Variants in TESK2 observed in about 807,000 individuals in gnomAD.
The protein encoded by TESK2 is dual specificity testis-specific protein kinase 2.
Under a neutral mutation model 57.1 loss-of-function variants are expected in TESK2, and 39 were observed. That is an observed-to-expected ratio of 0.68 (90% confidence interval 0.53 to 0.89). TESK2 has a LOEUF of 0.89. Among genes scored for constraint, TESK2 ranks in the 40% least tolerant of loss-of-function variants. The pLI is 0.00. For missense variants in TESK2, 646 were observed against 732.1 expected (o/e 0.88, Z 1.36); for synonymous variants, 249 against 267.9 (o/e 0.93, Z 0.69).
At position 45,375,565 on chromosome 1, in the gene TESK2, T is replaced by C. The variant is rs192814106; in HGVS notation, c.393+10347A>G. On this transcript the variant is annotated intron_variant, in intron 4 of 10. Transcript: ENST00000372086. Reference sequence around the variant, plus strand: ...TCACATATATTACAATTTGTTCCCTTGTTTAGTTTAACTCCTCTGCCCGCC... The same window carrying C: ...TCACATATATTACAATTTGTTCCCTCGTTTAGTTTAACTCCTCTGCCCGCC... Among the ~76,000 whole-genome samples, 349 of 152,132 alleles carry C rather than the reference T, an allele frequency of 2.3e-3. 5 individuals are homozygous for C. Among genetic ancestry groups the C allele is most frequent in the Admixed American group, 0.019 (297 of 15,266 alleles).
intron 1 of TESK2, among the ~76,000 whole-genome samples, chr1:45,490,043 C>G (rs990286208): frequency 3.9e-5 from 6 of 152,154 alleles, no homozygotes; most frequent in Non-Finnish European, 5.9e-5. Flanking sequence ...CATTCCCTCC[C>G]GCCTGGATGA....
intron 2 of TESK2, among the ~76,000 whole-genome samples, chr1:45,444,728 T>C (rs1052466605): frequency 6.6e-6 from 1 of 152,262 alleles, no homozygotes; most frequent in African/African-American, 2.4e-5. Flanking sequence ...GTAAGAGAAA[T>C]CTAACATCGC....
chr1:45,353,851 C>T (rs1215055932), intron 5 of TESK2, among the ~76,000 whole-genome samples: 8 of 152,190 alleles, frequency 5.3e-5, no homozygotes, highest in African/African-American at 1.7e-4. Context: ...CCTCTGAAAG[C>T]GACTCTTTTC....
At chr1:45,402,054 A>C (rs889208893) in intron 3 of TESK2, among the ~76,000 whole-genome samples, 1 of 151,594 alleles carries the variant, frequency 6.6e-6, no homozygotes, top group African/African-American at 2.4e-5. Context: ...CCTACATCTA[A>C]AACACTGAAA....
intron 1 of TESK2, among the ~76,000 whole-genome samples, chr1:45,487,161 TCA>T (rs1490469750): frequency 6.6e-6 from 1 of 152,064 alleles, no homozygotes; most frequent in Non-Finnish European, 1.5e-5. Flanking sequence ...TCAAAGCCCA[TCA>T]TATGTCAAGC....
intron 3 of TESK2, among the ~76,000 whole-genome samples, chr1:45,394,229 G>A (rs1431514128): frequency 6.6e-6 from 1 of 151,294 alleles, no homozygotes; most frequent in African/African-American, 2.4e-5. Flanking sequence ...TCATAAGCTC[G>A]CTGCAGCCTC....
At chr1:45,401,025 TAA>T (rs376070354) in intron 3 of TESK2, among the ~76,000 whole-genome samples, 15 of 124,156 alleles carry the variant, frequency 1.2e-4, no homozygotes, top group Admixed American at 1.7e-4. Context: ...GACTCTGTCT[TAA>T]AAAAAAAAAA....
At chr1:45,349,410 ACTGT>A (rs766986969) in intron 5 of TESK2, among the ~76,000 whole-genome samples, 11 of 152,054 alleles carry the variant, frequency 7.2e-5, no homozygotes, top group Non-Finnish European at 1.3e-4. Flanking sequence ...CCTGACTTTG[ACTGT>A]CTGTGAGAAG....
chr1:45,473,742 A>G (rs936255201), intron 1 of TESK2, among the ~76,000 whole-genome samples: 1 of 152,144 alleles, frequency 6.6e-6, no homozygotes, highest in Non-Finnish European at 1.5e-5. Context: ...AAATGCAATG[A>G]TGATACTTGG....
At chr1:45,451,262 G>C (rs999589204) in intron 2 of TESK2, among the ~76,000 whole-genome samples, 2 of 152,202 alleles carry the variant, frequency 1.3e-5, no homozygotes, top group Non-Finnish European at 2.9e-5. Context: ...TTATTTTGAA[G>C]TGGGAGTGGG....
At chr1:45,400,029 G>C (rs1211389760) in intron 3 of TESK2, among the ~76,000 whole-genome samples, 2 of 152,130 alleles carry the variant, frequency 1.3e-5, no homozygotes, top group Non-Finnish European at 2.9e-5. Context: ...CTAATCCCCA[G>C]AACCTGTGAC....
At chr1:45,351,888 G>A (rs777636192) in intron 5 of TESK2, among the ~76,000 whole-genome samples, 6 of 152,202 alleles carry the variant, frequency 3.9e-5, no homozygotes, top group Non-Finnish European at 7.3e-5. Context: ...AAGTAAATAA[G>A]AGAAGCACTT....
At chr1:45,443,395 T>C (rs541041181) in intron 2 of TESK2, among the ~76,000 whole-genome samples, 30 of 148,444 alleles carry the variant, frequency 2.0e-4, no homozygotes, top group African/African-American at 7.3e-4. Flanking sequence ...CAAAACCCCA[T>C]CTCTACTAAA....
At chr1:45,394,909 C>G (rs1362379865) in intron 3 of TESK2, among the ~76,000 whole-genome samples, 3 of 151,614 alleles carry the variant, frequency 2.0e-5, no homozygotes, top group African/African-American at 7.3e-5. Flanking sequence ...AGGCTGGTCT[C>G]GAACTCCTGA....
chr1:45,443,680 A>G (rs1168077852), intron 2 of TESK2, among the ~76,000 whole-genome samples: 2 of 152,084 alleles, frequency 1.3e-5, no homozygotes, highest in Non-Finnish European at 2.9e-5. Flanking sequence ...TAGGACAACT[A>G]AAAGTCCTTA....
intron 3 of TESK2, among the ~76,000 whole-genome samples, chr1:45,401,895 A>G (rs549473962): frequency 2.0e-5 from 3 of 152,310 alleles, no homozygotes; most frequent in Admixed American, 1.3e-4. Context: ...AGCAGCATAC[A>G]TATCATAGGG....
chr1:45,463,669 G>A (rs192542571), intron 1 of TESK2, among the ~76,000 whole-genome samples: 3 of 152,062 alleles, frequency 2.0e-5, no homozygotes, highest in Admixed American at 6.6e-5. Context: ...CTGCAGCCTC[G>A]ATCTCCTAGG....
At chr1:45,396,805 GTTTTTTTT>G (rs55739766) in intron 3 of TESK2, among the ~76,000 whole-genome samples, 1 of 73,560 alleles carries the variant, frequency 1.4e-5, no homozygotes, top group Non-Finnish European at 2.4e-5. Context: ...CAGCTAAGTT[GTTTTTTTT>G]TTTTTTTTTT....
At chr1:45,401,429 TA>T (rs1177906199) in intron 3 of TESK2, among the ~76,000 whole-genome samples, 1 of 151,208 alleles carries the variant, frequency 6.6e-6, no homozygotes, top group African/African-American at 2.4e-5. Flanking sequence ...AAATAAATAA[TA>T]AAAATTAAAA....
Sources: gnomAD v4.1 joint callset for allele counts (sites outside exome capture counted in the v4.1 genomes callset) on GRCh38, gnomAD v4.1.1 for gene constraint, MANE v1.5 for transcripts, NCBI Gene and HGNC (gene_info 2026-07-23, HGNC 2026-07-21) for gene names.